CA4: variants seen among roughly 807,000 people sequenced by gnomAD.
The protein encoded by CA4 is CA-IV.
CA4 carries 24 observed loss-of-function variants against 34.5 expected under a neutral mutation model. That is an observed-to-expected ratio of 0.70 (90% CI 0.50 to 0.98). CA4 has a LOEUF of 0.98. CA4 is among the 50% of genes least tolerant of loss of function. The pLI, the probability that CA4 is intolerant of heterozygous loss-of-function variation, is 0.00. For missense variants in CA4, 394 were observed against 396.7 expected, an observed-to-expected ratio of 0.99 and a Z score of 0.06; for synonymous variants, 178 against 170.6, an observed-to-expected ratio of 1.04 and a Z score of -0.34.
chr17:60,155,887 G>T (rs1597991049), intron 2 of CA4, among the ~76,000 whole-genome samples: 1 of 152,334 alleles, frequency 6.6e-6, no homozygotes, highest in Non-Finnish European at 1.5e-5. Context: ...GACACCCCTT[G>T]CAGGGTGCCT....
At chr17:60,170,498 C>T (rs2083902996) in intron 5 of CA4, 1 of 152,368 alleles carries the variant, frequency 6.6e-6, no homozygotes. Context: ...TCCTTTCTCT[C>T]TCCCTGGTCC....
At chr17:60,162,463 C>A (rs1261431114), downstream of CA4, among the ~76,000 whole-genome samples, 1 of 151,940 alleles carries the variant, frequency 6.6e-6, no homozygotes, top group Admixed American at 6.6e-5. Flanking sequence ...GAGGAGAACC[C>A]CCTTATTCAC....
At chr17:60,157,365 T>C in intron 3 of CA4, 62 bp from the exon 4 acceptor site, 3 of 1,592,440 alleles carry the variant, frequency 1.9e-6, no homozygotes, top group Admixed American at 1.7e-5. Context: ...GAAGCTGGGA[T>C]GAAGAGCTAG....
At chr17:60,156,972 T>C in intron 3 of CA4, 1 of 571,622 alleles carries the variant, frequency 1.7e-6, no homozygotes, top group Non-Finnish European at 3.1e-6. Context: ...CGCGGAGGCA[T>C]GGAACAGCTC....
At chr17:60,172,073 G>A (rs1188427194), downstream of CA4, among the ~76,000 whole-genome samples, 1 of 152,162 alleles carries the variant, frequency 6.6e-6, no homozygotes, top group Non-Finnish European at 1.5e-5. Flanking sequence ...GATCCCTAAT[G>A]TGGAAGTCCC....
At chr17:60,155,498 T>TACAC (rs3830362) in intron 2 of CA4, 131 bp downstream of exon 2, 146 of 570,554 alleles carry the variant, frequency 2.6e-4, no homozygotes, top group East Asian at 1.1e-3. Flanking sequence ...GTTCCCAGCA[T>TACAC]ACACACACAC....
chr17:60,150,146 C>T, intron 1 of CA4, 54 bp downstream of exon 1: 1 of 1,411,728 alleles, frequency 7.1e-7, no homozygotes, highest in Non-Finnish European at 9.8e-7. Context: ...CTCCGTGCCC[C>T]CAGCTCCCGC....
At chr17:60,161,617 C>T (rs757907557), downstream of CA4, among the ~76,000 whole-genome samples, 11 of 151,316 alleles carry the variant, frequency 7.3e-5, no homozygotes, top group Non-Finnish European at 1.0e-4. Context: ...GCCCCCCATG[C>T]CCCTGACCAC....
At chr17:60,155,622 ACACT>A (rs923846034) in intron 2 of CA4, among the ~76,000 whole-genome samples, 12 of 151,024 alleles carry the variant, frequency 7.9e-5, no homozygotes, top group Admixed American at 1.3e-4. Flanking sequence ...ACACACTCAA[ACACT>A]CACACTCACA....
chr17:60,156,787 C>A, intron 3 of CA4, 72 bp downstream of exon 3: 1 of 1,412,400 alleles, frequency 7.1e-7, no homozygotes, highest in Non-Finnish European at 1.0e-6. Flanking sequence ...TGGGGCTCCT[C>A]CCAGGAGGGT....
intron 1 of CA4, among the ~76,000 whole-genome samples, chr17:60,150,984 G>A: frequency 6.6e-6 from 1 of 152,230 alleles, no homozygotes; most frequent in Non-Finnish European, 1.5e-5. Context: ...CGGTCTTTCC[G>A]GACAGGGTGA....
rs1567730831 is a variant in CA4, at chr17:60,157,531, G to A, written c.373G>A (p.Gly125Ser). 4.3e-6 allele frequency: 7 copies of A among 1,614,212 alleles called. No individual in the cohort carries two copies. The South Asian group carries it at 6.6e-5, about 15-fold the overall frequency. The change falls in exon 4 of 8, where the codon GGC becomes AGC. Residue 125 changes from glycine (G) to serine (S), a missense_variant. Coordinates refer to ENST00000300900, the MANE Select transcript of CA4 (RefSeq NM_000717.5). The stretch of plus-strand genomic sequence containing the variant: ...GCACTGGTCCGACTTGCCATATAAG[G>A]GCTCGGAGCACAGCCTCGATGGGGA... ...HLHWSDLPYK[G>S]SEHSLDGEHF...
At chr17:60,158,541 T>G in intron 7 of CA4, 95 bp downstream of exon 7, 1 of 1,296,912 alleles carries the variant, frequency 7.7e-7, no homozygotes, top group Non-Finnish European at 1.1e-6. Context: ...AGGATACAGG[T>G]GGGGAGCCCA....
intron 5 of CA4, among the ~76,000 whole-genome samples, chr17:60,168,736 G>A (rs1162582708): frequency 6.6e-6 from 1 of 152,158 alleles, no homozygotes; most frequent in East Asian, 1.9e-4. Context: ...GTGCCCAGAA[G>A]ATCGGGTGGT....
rs75260260 is a variant in CA4, at chr17:60,169,262, A to AAGC, written c.*179-1266_*179-1264dup. Among the ~76,000 whole-genome samples the AAGC allele has an allele frequency of 3.9e-3, 591 of 149,756 alleles. 5 individuals carry two copies. Among genetic ancestry groups the AAGC allele is most frequent in the African/African-American group, 0.011 (431 of 39,466 alleles). On this transcript the variant is annotated intron_variant and NMD_transcript_variant, in intron 5 of 5. Coordinates refer to the CA4 transcript ENST00000586876. ...ACTCCCTCTGTCTCAAAAAAAAAAAAAGCAGCAGCAGCAGCAGCAGCAGCA... is the reference window on the plus strand; with the variant it reads ...ACTCCCTCTGTCTCAAAAAAAAAAAAAGCAGCAGCAGCAGCAGCAGCAGCAGCA...
chr17:60,169,294 G>A (rs1192736926), intron 5 of CA4, among the ~76,000 whole-genome samples: 1 of 151,470 alleles, frequency 6.6e-6, no homozygotes, highest in Non-Finnish European at 1.5e-5. Flanking sequence ...AGCAACAGCA[G>A]ATTCGCAGAT....
chr17:60,169,372 CCAGA>C (rs1332179184), intron 5 of CA4, among the ~76,000 whole-genome samples: 1 of 152,096 alleles, frequency 6.6e-6, no homozygotes. Context: ...GGCCTATGCT[CCAGA>C]CAGGCATAAA....
At position 60,159,450 on chromosome 17, in the gene CA4, C is replaced by A; in HGVS notation, c.*26C>A. 1 of 1,606,554 alleles carries A rather than the reference C, an allele frequency of 6.2e-7. No homozygotes were observed. Among genetic ancestry groups the A allele is most frequent in the South Asian group, 1.1e-5 (1 of 90,488 alleles). On this transcript the variant is annotated 3_prime_UTR_variant, in exon 8 of 8. Transcript: ENST00000300900. Reference sequence around the variant, plus strand: ...TGGCTCACTTCTGCACGCAGCCTCTCTGTTGCCTCAGCTCTCCAAGTTCCA... The same window carrying A: ...TGGCTCACTTCTGCACGCAGCCTCTATGTTGCCTCAGCTCTCCAAGTTCCA...
Position 60,157,713 on chromosome 17 carries a change from G to C in CA4, c.438G>C (p.Glu146Asp). 1 of 1,614,104 alleles carries C rather than the reference G, an allele frequency of 6.2e-7. No individual in the cohort carries two copies. The highest frequency in any genetic ancestry group is 1.1e-5 in the South Asian group (1 of 91,086). Residue 146 changes from glutamate to aspartate, a missense_variant, in exon 5 of 8, where the codon GAG (glutamate) becomes GAC (aspartate). Physicochemically the swap from Glu to Asp is conservative, Grantham distance 45. Transcript: ENST00000300900. Reference protein sequence around the residue: ...AMEMHIVHEKEKGTSRNVKEA... With the variant: ...AMEMHIVHEKDKGTSRNVKEA... Reference sequence around the variant, plus strand: ...AGATGCACATAGTACATGAGAAAGAGAAGGGGACATCGAGGAATGTGAAAG... The same window carrying C: ...AGATGCACATAGTACATGAGAAAGACAAGGGGACATCGAGGAATGTGAAAG...
Sources: allele counts gnomAD v4.1 joint callset (sites outside exome capture counted in the v4.1 genomes callset), GRCh38; gene constraint gnomAD v4.1.1; transcripts MANE v1.5; gene names NCBI Gene and HGNC (gene_info 2026-07-23, HGNC 2026-07-21).